MINDY3: variants seen among roughly 807,000 people sequenced by gnomAD.
MINDY3 encodes ubiquitin carboxyl-terminal hydrolase MINDY-3.
A neutral mutation model predicts 69.2 loss-of-function variants in MINDY3; 38 were observed. The observed-to-expected ratio is 0.55, with a 90% CI of 0.42 to 0.72. The LOEUF is 0.72. MINDY3 is among the 30% of genes least tolerant of loss of function. The pLI, the probability that MINDY3 is intolerant of heterozygous loss-of-function variation, is 0.00. For synonymous variants in MINDY3, 192 were observed against 180.1 expected (o/e 1.07, Z -0.53); for missense variants, 522 against 519.0 (o/e 1.01, Z -0.06).
At chr10:15,833,164 T>C (rs1348836082) in intron 8 of MINDY3, among the ~76,000 whole-genome samples, 1 of 152,116 alleles carries the variant, frequency 6.6e-6, no homozygotes, top group Non-Finnish European at 1.5e-5. Flanking sequence ...ATGGAAGTGG[T>C]AGTGGAAGAG....
chr10:15,834,625 ACAGAATT>A lies in MINDY3; in HGVS notation c.577-16_577-10del. ...TTTATGTTTTCAATGCCCTAAAGAA[ACAGAATT>A]CATTGACTTATTTTAAAAAACTAAA... On this transcript the variant is annotated splice_polypyrimidine_tract_variant and intron_variant, in intron 6 of 14. Transcript: ENST00000277632. 6.3e-7 allele frequency: 1 copy of A among 1,594,110 alleles called. No individual in the cohort carries two copies. The highest frequency in any genetic ancestry group is 8.6e-7 in the Non-Finnish European group (1 of 1,163,380).
At chr10:15,840,513 T>TATAGATAATA (rs1361077766) in intron 4 of MINDY3, among the ~76,000 whole-genome samples, 2 of 151,678 alleles carry the variant, frequency 1.3e-5, no homozygotes, top group Non-Finnish European at 3.0e-5. Flanking sequence ...AACAGCACCT[T>TATAGATAATA]ATAGATAATA....
At position 15,841,440 on chromosome 10, in the gene MINDY3, T is replaced by G; in HGVS notation, c.395A>C (p.Gln132Pro). The change falls in exon 4 of 15, where the codon CAA becomes CCA. Residue 132 changes from glutamine to proline, a missense_variant. Gln to Pro is a moderately conservative substitution (Grantham distance 76). Transcript: ENST00000277632. Reference sequence around the variant, plus strand: ...ATATATCTTACAAGAATGTTCCACTTGGCAACTAGACTCTGCAGGACTCCC... The same window carrying G: ...ATATATCTTACAAGAATGTTCCACTGGGCAACTAGACTCTGCAGGACTCCC... ...ISGSPAESSC[Q>P]VEHSSALAVE... 1 of 1,607,884 alleles carries G rather than the reference T, an allele frequency of 6.2e-7. No homozygotes were observed. Among genetic ancestry groups the G allele is most frequent in the Non-Finnish European group, 8.5e-7 (1 of 1,177,362 alleles).
intron 1 of MINDY3, among the ~76,000 whole-genome samples, chr10:15,858,856 G>A (rs959255851): frequency 2.6e-5 from 4 of 152,106 alleles, no homozygotes; most frequent in Non-Finnish European, 5.9e-5. Flanking sequence ...ATTAGAATAA[G>A]TAAGTCAAAG....
At chr10:15,813,146 C>A (rs971161174) in intron 10 of MINDY3, among the ~76,000 whole-genome samples, 2 of 152,084 alleles carry the variant, frequency 1.3e-5, no homozygotes, top group Non-Finnish European at 2.9e-5. Flanking sequence ...AAAACTACTC[C>A]CACTACCAAT....
chr10:15,837,547 A>T, intron 5 of MINDY3: 1 of 1,422,920 alleles, frequency 7.0e-7, no homozygotes, highest in South Asian at 1.2e-5. Flanking sequence ...CCTACTTGGC[A>T]GGGAACCTCT....
intron 14 of MINDY3, among the ~76,000 whole-genome samples, chr10:15,780,586 G>A (rs1021622545): frequency 7.9e-5 from 12 of 152,176 alleles, no homozygotes; most frequent in Non-Finnish European, 7.3e-5. Context: ...TGGCGGCTCA[G>A]ACTCCATCTC....
chr10:15,797,957 G>A (rs1323431532), intron 10 of MINDY3, among the ~76,000 whole-genome samples: 1 of 152,068 alleles, frequency 6.6e-6, no homozygotes, highest in African/African-American at 2.4e-5. Flanking sequence ...ATTTATAGAT[G>A]AACACCATAA....
chr10:15,845,409 C>T (rs549505836), intron 2 of MINDY3, among the ~76,000 whole-genome samples: 2 of 152,298 alleles, frequency 1.3e-5, no homozygotes, highest in East Asian at 3.9e-4. Context: ...AATATATGTA[C>T]TTGCTCACTT....
intron 1 of MINDY3, among the ~76,000 whole-genome samples, chr10:15,849,093 G>A (rs1708288044): frequency 1.3e-5 from 2 of 152,136 alleles, no homozygotes; most frequent in Non-Finnish European, 1.5e-5. Context: ...ATAAACTAAT[G>A]TTATAAGAGA....
chr10:15,816,300 A>G (rs530268231), intron 10 of MINDY3, among the ~76,000 whole-genome samples: 5 of 151,624 alleles, frequency 3.3e-5, no homozygotes, highest in Non-Finnish European at 5.9e-5. Flanking sequence ...AAAAAAATAA[A>G]AAAGACAAGA....
At chr10:15,860,169 A>G in intron 1 of MINDY3, 37 bp downstream of exon 1, 1 of 1,497,034 alleles carries the variant, frequency 6.7e-7, no homozygotes, top group Non-Finnish European at 9.2e-7. Flanking sequence ...GGGCAAAAGA[A>G]GCAGCGGCTG....
chr10:15,847,810 T>C (rs1044521092), intron 2 of MINDY3, 54 bp downstream of exon 2: 90 of 1,285,516 alleles, frequency 7.0e-5, no homozygotes, highest in Non-Finnish European at 8.8e-5. Context: ...AAACGACAAG[T>C]ATGAAACGTT....
Position 15,838,267 on chromosome 10 carries a change from A to G in MINDY3, c.422T>C (p.Val141Ala). ...AAATCGCTCAAAGCCAAGCTCTTCG[A>G]CAGCCAAGGCAGCTATACATAAAAG... is the stretch of plus-strand genomic sequence containing the variant. ...CQVEHSSALA[V>A]EELGFERFHA... Residue 141 changes from valine (V) to alanine (A), a missense_variant, in exon 5 of 15, where the codon GTC becomes GCC. Physicochemically the swap from Val to Ala is moderately conservative, Grantham distance 64. Coordinates refer to ENST00000277632, the MANE Select transcript of MINDY3 (RefSeq NM_024948.4). 1 of 1,603,674 alleles carries G rather than the reference A, an allele frequency of 6.2e-7. No homozygotes were observed. The highest frequency in any genetic ancestry group is 8.5e-7 in the Non-Finnish European group (1 of 1,176,032).
chr10:15,803,269 G>A (rs777654053), intron 10 of MINDY3, among the ~76,000 whole-genome samples: 33 of 152,050 alleles, frequency 2.2e-4, no homozygotes, highest in African/African-American at 3.6e-4. Context: ...AATTTTTGCC[G>A]ATTTATTTAA....
intron 10 of MINDY3, among the ~76,000 whole-genome samples, chr10:15,802,340 A>T (rs1345494140): frequency 6.6e-6 from 1 of 152,150 alleles, no homozygotes; most frequent in Admixed American, 6.6e-5. Context: ...AGATCTACAT[A>T]GCTGGGGAGG....
At chr10:15,820,896 G>A (rs904400962) in intron 9 of MINDY3, among the ~76,000 whole-genome samples, 4 of 152,098 alleles carry the variant, frequency 2.6e-5, no homozygotes, top group Non-Finnish European at 5.9e-5. Flanking sequence ...AATAACTTGA[G>A]GTCAAGAGTT....
intron 11 of MINDY3, among the ~76,000 whole-genome samples, chr10:15,792,985 G>A (rs769829873): frequency 2.6e-5 from 4 of 152,094 alleles, no homozygotes; most frequent in Non-Finnish European, 5.9e-5. Context: ...ATGAAAAACT[G>A]AGGTAGGAAC....
chr10:15,781,968 T>C (rs897113242), intron 14 of MINDY3, among the ~76,000 whole-genome samples, 187 bp downstream of exon 14: 2 of 152,064 alleles, frequency 1.3e-5, no homozygotes, highest in African/African-American at 4.8e-5. Context: ...CCAATGTCAG[T>C]TTCCAATGCA....
Sources: gnomAD v4.1 joint callset for allele counts (sites outside exome capture counted in the v4.1 genomes callset) on GRCh38, gnomAD v4.1.1 for gene constraint, MANE v1.5 for transcripts, NCBI Gene and HGNC (gene_info 2026-07-23, HGNC 2026-07-21) for gene names.